Variants in ZNF600 observed in about 807,000 individuals in gnomAD.
The protein encoded by ZNF600 is zinc finger protein KR-ZNF1.
In ZNF600, 4 loss-of-function variants were observed where a neutral mutation model predicts 7.3. The observed-to-expected ratio is 0.55, with a 90% CI of 0.27 to 1.25. The LOEUF (loss-of-function observed/expected upper bound fraction) is 1.25, where lower values mean the gene tolerates loss of function less well. Ranked by LOEUF, ZNF600 falls within the 50% of genes most tolerant of loss-of-function variation. The pLI is 0.12. For synonymous variants in ZNF600, 290 were observed against 308.9 expected (o/e 0.94, Z 0.64); for missense variants, 911 against 922.1 (o/e 0.99, Z 0.16).
At chr19:52,775,100 C>T (rs2062663275) in intron 2 of ZNF600, among the ~76,000 whole-genome samples, 1 of 151,958 alleles carries the variant, frequency 6.6e-6, no homozygotes, top group Non-Finnish European at 1.5e-5. Context: ...ATTTGTCAGG[C>T]ATGGTGGCAG....
At chr19:52,810,593 C>A in the ZNF600 span, 2 of 1,558,704 alleles carry the variant, frequency 1.3e-6, no homozygotes, top group Admixed American at 3.4e-5. Context: ...CTACCGCGCC[C>A]GACCACCAAC....
At chr19:52,802,558 T>C in the ZNF600 span, among the ~76,000 whole-genome samples, 2 of 151,720 alleles carry the variant, frequency 1.3e-5, no homozygotes, top group African/African-American at 4.8e-5. Context: ...GTGCCTGTAA[T>C]CCCAGCTACT....
chr19:52,786,827 G>T, upstream of ZNF600: 1 of 311,930 alleles, frequency 3.2e-6, no homozygotes, highest in South Asian at 2.5e-5. Context: ...GGACCTGGGC[G>T]GGGTAGAGGC....
At chr19:52,803,307 C>G in the ZNF600 span, among the ~76,000 whole-genome samples, 1 of 151,888 alleles carries the variant, frequency 6.6e-6, no homozygotes, top group Non-Finnish European at 1.5e-5. Flanking sequence ...TCTCGAACTC[C>G]TGACCTCAGA....
the ZNF600 span, among the ~76,000 whole-genome samples, chr19:52,792,938 G>A: frequency 2.6e-5 from 4 of 151,396 alleles, no homozygotes; most frequent in South Asian, 4.2e-4. Context: ...GGGTTTCACC[G>A]TGTTTGCCAG....
At chr19:52,786,477 T>A (rs2147592943) in intron 1 of ZNF600, 118 bp downstream of exon 1, 1 of 152,532 alleles carries the variant, frequency 6.6e-6, no homozygotes, top group African/African-American at 2.4e-5. Context: ...AAAAATGTTT[T>A]GAGCAGGAAA....
chr19:52,823,845 C>G, the ZNF600 span, among the ~76,000 whole-genome samples: 1 of 151,982 alleles, frequency 6.6e-6, no homozygotes, highest in East Asian at 1.9e-4. Context: ...GACAGATGGC[C>G]TGAGGTCGGA....
the ZNF600 span, chr19:52,810,060 G>T: frequency 1.5e-5 from 11 of 742,602 alleles, no homozygotes; most frequent in South Asian, 1.6e-4. Flanking sequence ...CCCATGCCTG[G>T]GAGCTCCAGG....
chr19:52,822,094 T>TTTTTTTA, the ZNF600 span, among the ~76,000 whole-genome samples: 2 of 144,232 alleles, frequency 1.4e-5, no homozygotes, highest in Non-Finnish European at 3.0e-5. Flanking sequence ...TTTTTTTTTT[T>TTTTTTTA]GAGGCTATTT....
At chr19:52,820,301 T>A in the ZNF600 span, among the ~76,000 whole-genome samples, 1 of 134,640 alleles carries the variant, frequency 7.4e-6, no homozygotes, top group Non-Finnish European at 1.5e-5. Context: ...GTATTTTTAG[T>A]AGAGACGGGG....
chr19:52,765,020 G>GAA (rs2062557418), exon 4 of ZNF600: 1 of 246,390 alleles, frequency 4.1e-6, no homozygotes, highest in Admixed American at 5.0e-5. Flanking sequence ...ACAGGTGTGA[G>GAA]AAACCACACC....
the ZNF600 span, among the ~76,000 whole-genome samples, chr19:52,819,813 C>T: frequency 7.0e-6 from 1 of 143,626 alleles, no homozygotes; most frequent in Non-Finnish European, 1.5e-5. Flanking sequence ...TGAATTCTTC[C>T]TTACAAGAAA....
upstream of ZNF600, among the ~76,000 whole-genome samples, chr19:52,790,961 G>A (rs1226557132): frequency 1.3e-5 from 2 of 151,946 alleles, no homozygotes; most frequent in Non-Finnish European, 2.9e-5. Context: ...GATTACAAGT[G>A]TGAGCCACCA....
chr19:52,824,792 A>C, the ZNF600 span, among the ~76,000 whole-genome samples: 1 of 152,158 alleles, frequency 6.6e-6, no homozygotes, highest in Non-Finnish European at 1.5e-5. Context: ...CTGAAGTTCC[A>C]ACAGAACATA....
chr19:52,791,369 A>G (rs932579888), upstream of ZNF600, among the ~76,000 whole-genome samples: 11 of 152,260 alleles, frequency 7.2e-5, no homozygotes, highest in African/African-American at 2.7e-4. Context: ...AACTGAGGGC[A>G]GGCATGGGTG....
the ZNF600 span, among the ~76,000 whole-genome samples, chr19:52,804,372 C>T: frequency 2.0e-5 from 3 of 152,108 alleles, no homozygotes; most frequent in African/African-American, 7.2e-5. Context: ...TCTCCTACCT[C>T]AAGTGATTCT....
At chr19:52,833,135 T>C in the ZNF600 span, among the ~76,000 whole-genome samples, 1 of 152,240 alleles carries the variant, frequency 6.6e-6, no homozygotes, top group South Asian at 2.1e-4. Context: ...TGTCTCCCCT[T>C]ATTGGTCTCC....
chr19:52,802,944 G>T, the ZNF600 span, among the ~76,000 whole-genome samples: 3 of 151,900 alleles, frequency 2.0e-5, no homozygotes, highest in Non-Finnish European at 2.9e-5. Context: ...TGTATTTTTA[G>T]TAGAGACAGG....
the ZNF600 span, chr19:52,798,115 C>T: frequency 6.3e-6 from 1 of 159,270 alleles, no homozygotes; most frequent in African/African-American, 2.4e-5. Flanking sequence ...GAGCAAGAGA[C>T]TCCATCTCAA....
Sources: gnomAD v4.1 joint callset for allele counts (sites outside exome capture counted in the v4.1 genomes callset) on GRCh38, gnomAD v4.1.1 for gene constraint, MANE v1.5 for transcripts, NCBI Gene and HGNC (gene_info 2026-07-23, HGNC 2026-07-21) for gene names.